The following PLA2R1 variants were observed in gnomAD, a reference collection of about 807,000 sequenced individuals.
PLA2R1 encodes phospholipase A2 receptor 1.
In PLA2R1, 158 loss-of-function variants were observed where a neutral mutation model predicts 195.9. The ratio of observed to expected loss-of-function variants is 0.81; its 90% CI spans 0.71 to 0.92. The LOEUF (loss-of-function observed/expected upper bound fraction) is 0.92, where lower values mean the gene tolerates loss of function less well. PLA2R1 is among the 40% of genes least tolerant of loss of function. The pLI, the probability that PLA2R1 is intolerant of heterozygous loss-of-function variation, is 0.00. For synonymous variants in PLA2R1, 586 were observed against 598.2 expected (o/e 0.98, Z 0.30); for missense variants, 1,626 against 1,764.6 (o/e 0.92, Z 1.41).
At chr2:160,059,010 C>T (rs1695765559) in intron 1 of PLA2R1, among the ~76,000 whole-genome samples, 1 of 152,178 alleles carries the variant, frequency 6.6e-6, no homozygotes, top group Admixed American at 6.5e-5. Flanking sequence ...ACGGTCCCAT[C>T]TGGGGTGACG....
intron 2 of PLA2R1, 57 bp from the exon 3 acceptor site, chr2:160,042,255 AACT>A (rs1694569376): frequency 1.3e-6 from 2 of 1,482,946 alleles, no homozygotes; most frequent in African/African-American, 1.4e-5. Flanking sequence ...TATCTTTGGA[AACT>A]GCTATATATC....
the PLA2R1 span, among the ~76,000 whole-genome samples, chr2:159,926,777 C>G: frequency 1.3e-5 from 2 of 152,108 alleles, no homozygotes; most frequent in South Asian, 4.1e-4. Flanking sequence ...CCCTTCCCCC[C>G]ACCCAGCTCC....
rs1215689470 is a variant in PLA2R1, at chr2:159,939,657, T to G, written c.*2121A>C. 1 of 152,212 alleles carries G rather than the reference T, an allele frequency of 6.6e-6. No homozygotes were observed. Among genetic ancestry groups the G allele is most frequent in the Non-Finnish European group, 1.5e-5 (1 of 68,032 alleles). 9.4% of individuals were successfully genotyped at this position (152,212 alleles called of 1,614,324 possible). A position where few individuals can be genotyped will look rare whatever the true frequency, so the allele number is the denominator to read the frequency against. On this transcript the variant is annotated 3_prime_UTR_variant, in exon 30 of 30. Transcript: ENST00000283243. ...CAGATTATCTGGAGATGTTGTTCAA[T>G]ACTAAACATCAAAGTATGGAGCACT...
chr2:160,033,043 AAG>A lies in PLA2R1; in HGVS notation c.755_756del (p.Ser252LeufsTer3), dbSNP rs1693957315. ...CYQFNLLSSL[S>X]WSEAHSSCQM... ...TGGCATGAAGAATGTGCCTCACTCC[AAG>A]AGAGAGATGAAAGCAGGTTGAACTG... is the stretch of plus-strand genomic sequence containing the variant. On this transcript the variant is annotated frameshift_variant, in exon 4 of 30. Transcript: ENST00000283243. LOFTEE classifies it high-confidence loss of function. 1 of 1,613,486 alleles carries A rather than the reference AAG, an allele frequency of 6.2e-7. No individual in the cohort carries two copies. The highest frequency in any genetic ancestry group is 8.5e-7 in the Non-Finnish European group (1 of 1,179,516).
chr2:160,013,623 TTAAAAG>T (rs1442399960), intron 9 of PLA2R1, among the ~76,000 whole-genome samples: 3 of 151,304 alleles, frequency 2.0e-5, no homozygotes, highest in African/African-American at 7.3e-5. Context: ...ACGTAAAACC[TTAAAAG>T]TAAATGAAAA....
intron 1 of PLA2R1, among the ~76,000 whole-genome samples, chr2:160,046,867 A>G (rs532651623): frequency 1.3e-5 from 2 of 152,338 alleles, no homozygotes; most frequent in Admixed American, 1.3e-4. Flanking sequence ...TGTGATATGG[A>G]GTCCGATAAT....
Position 159,940,774 on chromosome 2 carries a change from C to T in PLA2R1, c.*1004G>A, listed in dbSNP as rs879387552. On this transcript the variant is annotated 3_prime_UTR_variant, in exon 30 of 30. Transcript: ENST00000283243. ...CCAGAAAATAGTTTATTAAATAGAACACCTAAACTCATTTACATAATAAAG... is the reference window on the plus strand; with the variant it reads ...CCAGAAAATAGTTTATTAAATAGAATACCTAAACTCATTTACATAATAAAG... The T allele has an allele frequency of 1.6e-4, 25 of 152,070 alleles. No individual in the cohort carries two copies. The highest frequency in any genetic ancestry group is 6.5e-4 in the Admixed American group (10 of 15,272). The allele number at this position is 152,070 out of a possible 1,614,324, so 9.4% of individuals were successfully genotyped here.
chr2:160,034,791 G>A (rs985969685), intron 3 of PLA2R1, among the ~76,000 whole-genome samples: 18 of 152,196 alleles, frequency 1.2e-4, no homozygotes, highest in Admixed American at 5.9e-4. Context: ...GAAAGATGCC[G>A]GGTATGGTGT....
At chr2:159,946,578 T>G (rs775779164) in intron 27 of PLA2R1, 35 of 1,233,688 alleles carry the variant, frequency 2.8e-5, no homozygotes, top group Admixed American at 4.2e-5. Context: ...GATAAACATG[T>G]TATTGTTTGT....
At chr2:160,000,322 A>G (rs1032257054) in intron 11 of PLA2R1, among the ~76,000 whole-genome samples, 2 of 152,226 alleles carry the variant, frequency 1.3e-5, no homozygotes, top group African/African-American at 4.8e-5. Context: ...TTTCTAAAGA[A>G]TTTATAACCA....
In PLA2R1 at chr2:159,967,599, C is replaced by CT. The variant is rs1200357643; in HGVS notation, c.2843dup (p.Lys949GlufsTer18). On this transcript the variant is annotated frameshift_variant, in exon 20 of 30. Transcript: ENST00000283243. LOFTEE classifies it high-confidence loss of function. ...TTCCATGTTGTTTTGGTGTATCTTT[C>CT]TTTTTCTCTATGAGCCAAACCTTTT... 6.2e-7 allele frequency: 1 copy of CT among 1,613,514 alleles called. No homozygotes were observed. The highest frequency in any genetic ancestry group is 8.5e-7 in the Non-Finnish European group (1 of 1,179,656).
rs200950509 is a variant in PLA2R1 at position 159,987,338 on chromosome 2, C to T, written c.1855G>A (p.Ala619Thr). Reference protein sequence around the residue: ...HQPRYSGGCVAMRGRHPLGRW... With the variant: ...HQPRYSGGCVTMRGRHPLGRW... ...CCAAGTGGATGCCTTCCTCGCATGG[C>T]AACACAGCCACCACTGTAGCCTAAA... is the stretch of plus-strand genomic sequence containing the variant. The change falls in exon 12 of 30, where the codon GCC (alanine) becomes ACC (threonine). Residue 619 changes from alanine (A) to threonine (T), a missense_variant. Coordinates refer to ENST00000283243, the MANE Select transcript of PLA2R1 (RefSeq NM_007366.5). 1 of 1,611,132 alleles carries T rather than the reference C, an allele frequency of 6.2e-7. No individual in the cohort carries two copies. Among genetic ancestry groups the T allele is most frequent in the Non-Finnish European group, 8.5e-7 (1 of 1,179,466 alleles).
chr2:159,976,742 C>T, intron 15 of PLA2R1, 22 bp from the exon 16 acceptor site: 1 of 1,602,676 alleles, frequency 6.2e-7, no homozygotes, highest in Non-Finnish European at 8.5e-7. Context: ...AAGCAAATCA[C>T]TTTGACTGAT....
chr2:160,044,229 G>C (rs186793040), intron 2 of PLA2R1, among the ~76,000 whole-genome samples: 128 of 151,932 alleles, frequency 8.4e-4, no homozygotes, highest in African/African-American at 3.0e-3. Context: ...AACCATGCTT[G>C]GCACACACCA....
chr2:160,030,640 G>A (rs982365405), intron 4 of PLA2R1, among the ~76,000 whole-genome samples: 2 of 152,124 alleles, frequency 1.3e-5, no homozygotes, highest in East Asian at 1.9e-4. Context: ...GCTGGCCCAC[G>A]ATACTGTAAT....
chr2:160,016,479 GTGCGA>G, intron 9 of PLA2R1, 130 bp downstream of exon 9: 1 of 257,302 alleles, frequency 3.9e-6, no homozygotes, highest in Non-Finnish European at 8.5e-6. Flanking sequence ...GAAGGGGGGG[GTGCGA>G]GGAGAGAGAG....
At chr2:160,038,730 T>C (rs898363416) in intron 3 of PLA2R1, among the ~76,000 whole-genome samples, 1 of 151,922 alleles carries the variant, frequency 6.6e-6, no homozygotes, top group African/African-American at 2.4e-5. Flanking sequence ...AATAGAGAGG[T>C]TGGCAGGGTC....
At chr2:160,050,271 G>A (rs915849019) in intron 1 of PLA2R1, among the ~76,000 whole-genome samples, 13 of 109,566 alleles carry the variant, frequency 1.2e-4, no homozygotes, top group South Asian at 2.9e-4. Flanking sequence ...GACTCTGAGC[G>A]GGGAGTGTGC....
intron 23 of PLA2R1, among the ~76,000 whole-genome samples, chr2:159,953,414 G>A (rs1420538875): frequency 6.6e-6 from 1 of 152,242 alleles, no homozygotes; most frequent in Non-Finnish European, 1.5e-5. Flanking sequence ...AATATTTATT[G>A]TTGGCTACAA....
Sources: gnomAD v4.1 joint callset for allele counts (sites outside exome capture counted in the v4.1 genomes callset) on GRCh38, gnomAD v4.1.1 for gene constraint, MANE v1.5 for transcripts, NCBI Gene and HGNC (gene_info 2026-07-23, HGNC 2026-07-21) for gene names.